The following CELF2 variants were observed in gnomAD, a reference collection of about 807,000 sequenced individuals.
CELF2 encodes the protein CUGBP Elav-like family member 2.
In CELF2, 8 loss-of-function variants were observed where a neutral mutation model predicts 62.6. The observed-to-expected ratio is 0.13, with a 90% CI of 0.07 to 0.23. The LOEUF is 0.23. Ranked by LOEUF, CELF2 falls within the 10% of genes least tolerant of loss-of-function variation. The pLI is 1.00. For synonymous variants in CELF2, 258 were observed against 250.0 expected, an observed-to-expected ratio of 1.03 and a Z score of -0.30; for missense variants, 333 against 671.0, an observed-to-expected ratio of 0.50 and a Z score of 5.56.
chr10:11,312,954 A>AG lies in CELF2; in HGVS notation c.977-1184dup, dbSNP rs531189719. Among the ~76,000 whole-genome samples the AG allele has an allele frequency of 9.2e-5, 14 of 152,290 alleles. No individual in the cohort carries two copies. The South Asian group carries it at 2.7e-3, about 29-fold the overall frequency. On this transcript the variant is annotated intron_variant, in intron 9 of 12. Coordinates refer to ENST00000633077, the MANE Select transcript of CELF2 (RefSeq NM_001326342.2). ...GTCTCAAAGGACAGCAAGAAAGGAGAGAAAAAAATGTAATATTAGCAGAAC... is the reference window on the plus strand; with the variant it reads ...GTCTCAAAGGACAGCAAGAAAGGAGAGGAAAAAAATGTAATATTAGCAGAAC...
the CELF2 span, among the ~76,000 whole-genome samples, chr10:10,576,252 G>A: frequency 6.6e-6 from 1 of 152,152 alleles, no homozygotes; most frequent in Non-Finnish European, 1.5e-5. Flanking sequence ...GAAGAGCTGA[G>A]AGCTTCCTAC....
intron 1 of CELF2, among the ~76,000 whole-genome samples, chr10:11,111,765 C>T (rs545892167): frequency 3.3e-5 from 5 of 152,330 alleles, no homozygotes; most frequent in South Asian, 2.1e-4. Context: ...ACGTTGGATA[C>T]GCCGAAACTC....
chr10:10,530,816 A>C, the CELF2 span, among the ~76,000 whole-genome samples: 1 of 152,196 alleles, frequency 6.6e-6, no homozygotes, highest in African/African-American at 2.4e-5. Flanking sequence ...CTTCTTAAAA[A>C]TTATTTTCAG....
intron 1 of CELF2, among the ~76,000 whole-genome samples, chr10:11,148,622 G>A (rs780194420): frequency 1.1e-4 from 17 of 152,208 alleles, no homozygotes; most frequent in Non-Finnish European, 1.9e-4. Flanking sequence ...GAGATGCCTG[G>A]CTTCCTAAAA....
At chr10:10,888,653 A>G (rs563230401) in intron 1 of CELF2, among the ~76,000 whole-genome samples, 4 of 152,172 alleles carry the variant, frequency 2.6e-5, no homozygotes, top group Non-Finnish European at 2.9e-5. Flanking sequence ...TGCATGCCCC[A>G]GGCTTGAGCA....
At chr10:11,265,928 T>C (rs576534958) in intron 5 of CELF2, among the ~76,000 whole-genome samples, 12 of 152,382 alleles carry the variant, frequency 7.9e-5, no homozygotes, top group Middle Eastern at 3.4e-3. Context: ...TTTTACATTT[T>C]ATAGCAGTAT....
At chr10:10,935,575 G>A (rs1165006276) in intron 2 of CELF2, among the ~76,000 whole-genome samples, 1 of 152,086 alleles carries the variant, frequency 6.6e-6, no homozygotes, top group Admixed American at 6.5e-5. Flanking sequence ...TAATGTGTGT[G>A]GCCACTCATA....
the CELF2 span, among the ~76,000 whole-genome samples, chr10:10,552,969 A>G: frequency 6.6e-6 from 1 of 152,140 alleles, no homozygotes; most frequent in African/African-American, 2.4e-5. Flanking sequence ...TCCTCTCAGC[A>G]AGGGGGCATG....
intron 1 of CELF2, chr10:11,030,520 C>T (rs529704281): frequency 1.3e-5 from 2 of 152,234 alleles, no homozygotes; most frequent in South Asian, 4.1e-4. Flanking sequence ...CTCTGTTTCT[C>T]GTCTCCAAAG....
chr10:10,564,337 G>A, the CELF2 span, among the ~76,000 whole-genome samples: 1 of 152,166 alleles, frequency 6.6e-6, no homozygotes, highest in African/African-American at 2.4e-5. Context: ...CATTTGCCAG[G>A]AAGAGCTGGG....
intron 1 of CELF2, among the ~76,000 whole-genome samples, chr10:10,884,935 G>A (rs555069791): frequency 5.9e-5 from 9 of 152,310 alleles, no homozygotes; most frequent in Non-Finnish European, 1.0e-4. Flanking sequence ...CACTTAGTAA[G>A]TGATTTTTAA....
At chr10:10,740,465 A>C in the CELF2 span, among the ~76,000 whole-genome samples, 1 of 152,190 alleles carries the variant, frequency 6.6e-6, no homozygotes, top group Non-Finnish European at 1.5e-5. Flanking sequence ...GTAGGAGTGT[A>C]AATTGGTGTA....
intron 1 of CELF2, among the ~76,000 whole-genome samples, chr10:10,809,227 C>T (rs893836300): frequency 2.0e-5 from 3 of 152,108 alleles, no homozygotes; most frequent in Admixed American, 1.3e-4. Flanking sequence ...CTGTCTCTAC[C>T]ATGGAAGGGC....
chr10:11,322,548 C>A (rs1167495290), intron 11 of CELF2, among the ~76,000 whole-genome samples: 1 of 151,800 alleles, frequency 6.6e-6, no homozygotes, highest in East Asian at 1.9e-4. Flanking sequence ...TTTGAAGTTT[C>A]TTTCCCTTCT....
chr10:11,313,266 A>G (rs572170803), intron 9 of CELF2, among the ~76,000 whole-genome samples: 4 of 152,262 alleles, frequency 2.6e-5, no homozygotes, highest in Non-Finnish European at 5.9e-5. Context: ...AACCTCTTGC[A>G]TAGAAATATA....
chr10:10,997,990 A>C lies in CELF2; in HGVS notation c.89+77991A>C, dbSNP rs1208704251. On this transcript the variant is annotated intron_variant, in intron 2 of 13. Transcript: ENST00000636488. The surrounding 1 kb of genome is among the most constrained non-coding windows in gnomAD (Gnocchi z 5.3). ...GATTTTCTCATGCAGTTCTTGTGATAGTAAGTCTCATGAGATCTGATGGTT... is the reference window on the plus strand; with the variant it reads ...GATTTTCTCATGCAGTTCTTGTGATCGTAAGTCTCATGAGATCTGATGGTT... Among the ~76,000 whole-genome samples the C allele has an allele frequency of 6.6e-6, 1 of 152,138 alleles. No individual in the cohort carries two copies. Among genetic ancestry groups the C allele is most frequent in the East Asian group, 1.9e-4 (1 of 5,186 alleles).
intron 1 of CELF2, among the ~76,000 whole-genome samples, chr10:11,162,610 G>T (rs1011286980): frequency 4.6e-5 from 7 of 151,252 alleles, no homozygotes; most frequent in African/African-American, 1.5e-4. Context: ...ACTGGGGTGG[G>T]GGGGGTGAAA....
At chr10:10,558,149 C>A in the CELF2 span, among the ~76,000 whole-genome samples, 1 of 152,174 alleles carries the variant, frequency 6.6e-6, no homozygotes, top group Non-Finnish European at 1.5e-5. Context: ...TTTGTCCATT[C>A]AGTCTGATAT....
intron 2 of CELF2, among the ~76,000 whole-genome samples, chr10:10,924,596 A>G (rs1288624953): frequency 3.3e-5 from 5 of 152,228 alleles, no homozygotes; most frequent in African/African-American, 1.2e-4. Context: ...ATAATTCGGT[A>G]TATAAATCAG....
Sources: allele counts gnomAD v4.1 joint callset (sites outside exome capture counted in the v4.1 genomes callset), GRCh38; gene constraint gnomAD v4.1.1; non-coding constraint Gnocchi (gnomAD v3.1); transcripts MANE v1.5; gene names NCBI Gene and HGNC (gene_info 2026-07-23, HGNC 2026-07-21).